The following THSD7B variants were observed in gnomAD, a reference collection of about 807,000 sequenced individuals.
THSD7B encodes the protein thrombospondin type 1 domain containing 7B, also known as thrombospondin type-1 domain-containing protein 7B.
Under a neutral mutation model 213.6 loss-of-function variants are expected in THSD7B, and 138 were observed. That is an observed-to-expected ratio of 0.65 (90% confidence interval 0.56 to 0.74). The LOEUF (loss-of-function observed/expected upper bound fraction) is 0.74, where lower values mean the gene tolerates loss of function less well. Among genes scored for constraint, THSD7B ranks in the 30% least tolerant of loss-of-function variants. The pLI is 0.00. For missense variants in THSD7B, 1,931 were observed against 1,991.5 expected (o/e 0.97, Z 0.58); for synonymous variants, 742 against 687.0 (o/e 1.08, Z -1.25).
rs1348650467 is a variant in THSD7B, at chr2:137,382,403, T to C, written c.2501-23210T>C. Among the ~76,000 whole-genome samples, 6 of 152,218 alleles carry C rather than the reference T, an allele frequency of 3.9e-5. No individual in the cohort carries two copies. In the East Asian group the frequency reaches 1.2e-3, roughly 29 times the overall value. On this transcript the variant is annotated intron_variant, in intron 12 of 27. Coordinates refer to ENST00000409968, the MANE Select transcript of THSD7B (RefSeq NM_001316349.2). ...GGGTAGTTGACCAGGAGTGCCCATT[T>C]GAGCAGGATGTGCATGTGACAACAG...
chr2:137,615,832 G>A (rs1006734462), intron 17 of THSD7B, among the ~76,000 whole-genome samples: 2 of 151,306 alleles, frequency 1.3e-5, no homozygotes, highest in East Asian at 1.9e-4. Flanking sequence ...AAAAAAAAAA[G>A]CATTTAAACA....
chr2:137,200,498 A>T (rs541261748), intron 7 of THSD7B, among the ~76,000 whole-genome samples: 1 of 152,238 alleles, frequency 6.6e-6, no homozygotes, highest in Admixed American at 6.5e-5. Context: ...TGTAACATAC[A>T]TATAGAAATC....
chr2:136,934,989 A>C (rs1369511590), intron 2 of THSD7B, among the ~76,000 whole-genome samples: 1 of 152,162 alleles, frequency 6.6e-6, no homozygotes, highest in African/African-American at 2.4e-5. Flanking sequence ...AGAATTTAAG[A>C]AACTTTCAAA....
intron 7 of THSD7B, among the ~76,000 whole-genome samples, chr2:137,225,248 T>A (rs935946507): frequency 6.6e-6 from 1 of 152,224 alleles, no homozygotes; most frequent in Non-Finnish European, 1.5e-5. Context: ...CTGTCTTTCA[T>A]CTACTCATCT....
chr2:136,905,991 T>C (rs1367850587), intron 2 of THSD7B, among the ~76,000 whole-genome samples: 1 of 152,192 alleles, frequency 6.6e-6, no homozygotes, highest in Non-Finnish European at 1.5e-5. Flanking sequence ...GCTCTATGAG[T>C]GCAGACAGGT....
intron 15 of THSD7B, among the ~76,000 whole-genome samples, chr2:137,555,434 G>T (rs530100687): frequency 2.0e-5 from 3 of 152,142 alleles, no homozygotes; most frequent in Admixed American, 2.0e-4. Context: ...GGCAAACAGG[G>T]CCTGGAGTGG....
At chr2:137,225,421 T>C (rs991411532) in intron 7 of THSD7B, among the ~76,000 whole-genome samples, 1 of 152,146 alleles carries the variant, frequency 6.6e-6, no homozygotes, top group African/African-American at 2.4e-5. Context: ...TGGTATTATC[T>C]AAAAGTAATG....
chr2:137,486,302 T>A lies in THSD7B; in HGVS notation c.3138+35279T>A, dbSNP rs1188596661. 2.0e-5 allele frequency among the ~76,000 whole-genome samples: 3 copies of A among 148,956 alleles called. No homozygotes were observed. In the East Asian group the frequency reaches 5.9e-4, roughly 30 times the overall value. On this transcript the variant is annotated intron_variant, in intron 15 of 27. Transcript: ENST00000409968. ...CTCAAAATAAAAGGATGGAGGAAGA[T>A]CTACCAAGCAAATGGAAAACAAAAA...
chr2:137,201,579 A>G (rs1466925745), intron 7 of THSD7B, among the ~76,000 whole-genome samples: 2 of 152,202 alleles, frequency 1.3e-5, no homozygotes, highest in East Asian at 3.8e-4. Flanking sequence ...ATAAGTATAT[A>G]TAATCATTAT....
At chr2:137,436,893 A>G (rs1687304954) in intron 14 of THSD7B, among the ~76,000 whole-genome samples, 1 of 152,102 alleles carries the variant, frequency 6.6e-6, no homozygotes, top group Admixed American at 6.6e-5. Flanking sequence ...CCAGATTTTG[A>G]GTCTCAGGTG....
At chr2:136,785,198 G>A (rs187126695) in intron 1 of THSD7B, among the ~76,000 whole-genome samples, 70 of 152,252 alleles carry the variant, frequency 4.6e-4, no homozygotes, top group African/African-American at 1.7e-3. Flanking sequence ...TAGTGCCCAC[G>A]TGCTCTGTTG....
At chr2:137,303,941 A>G (rs1683677482) in intron 12 of THSD7B, among the ~76,000 whole-genome samples, 1 of 151,184 alleles carries the variant, frequency 6.6e-6, no homozygotes, top group Non-Finnish European at 1.5e-5. Context: ...TATTTCTCCT[A>G]ATGCTATCCC....
chr2:137,340,077 A>G (rs1413396912), intron 12 of THSD7B, among the ~76,000 whole-genome samples: 1 of 151,778 alleles, frequency 6.6e-6, no homozygotes, highest in African/African-American at 2.4e-5. Flanking sequence ...AAAATATATC[A>G]TTGTGATTTA....
chr2:137,411,186 G>A (rs532186088), intron 13 of THSD7B, among the ~76,000 whole-genome samples: 1 of 152,326 alleles, frequency 6.6e-6, no homozygotes, highest in South Asian at 2.1e-4. Context: ...CCATCACATT[G>A]CAAGAGACCT....
intron 7 of THSD7B, among the ~76,000 whole-genome samples, chr2:137,185,038 G>C (rs755089354): frequency 1.3e-4 from 19 of 151,994 alleles, no homozygotes; most frequent in Non-Finnish European, 2.5e-4. Flanking sequence ...ACAAATAGTG[G>C]ACAGCTACAT....
chr2:136,815,776 C>G (rs1558814221), intron 1 of THSD7B, among the ~76,000 whole-genome samples: 1 of 152,200 alleles, frequency 6.6e-6, no homozygotes, highest in African/African-American at 2.4e-5. Flanking sequence ...ATGTCAAAAA[C>G]ACACAGAGAG....
In THSD7B at chr2:137,618,388, G is replaced by A. The variant is rs753925086; in HGVS notation, c.3566-4G>A. The A allele has an allele frequency of 5.0e-6, 8 of 1,613,374 alleles. No individual in the cohort carries two copies. The highest frequency in any genetic ancestry group is 5.9e-6 in the Non-Finnish European group (7 of 1,179,554). On this transcript the variant is annotated splice_region_variant and splice_polypyrimidine_tract_variant and intron_variant, in intron 18 of 27. Coordinates refer to ENST00000409968, the MANE Select transcript of THSD7B (RefSeq NM_001316349.2). ...ACTCAGTGTGGGTGATCCTATGCCT[G>A]TAGAGTGGAGCACATGCCAGCTGAG...
intron 10 of THSD7B, among the ~76,000 whole-genome samples, chr2:137,265,528 G>A (rs150277333): frequency 0.012 from 1,828 of 152,144 alleles, 24 homozygotes; most frequent in South Asian, 0.036. Context: ...TGTTTATTGC[G>A]GCATTATTCA....
intron 15 of THSD7B, among the ~76,000 whole-genome samples, chr2:137,514,357 G>GT (rs1482553806): frequency 6.6e-6 from 1 of 152,112 alleles, no homozygotes; most frequent in Non-Finnish European, 1.5e-5. Context: ...AGATTAAACT[G>GT]GCTTAGCCTC....
Sources: allele counts gnomAD v4.1 joint callset (sites outside exome capture counted in the v4.1 genomes callset), GRCh38; gene constraint gnomAD v4.1.1; transcripts MANE v1.5; gene names NCBI Gene and HGNC (gene_info 2026-07-23, HGNC 2026-07-21).